UVRAG: variants seen among roughly 807,000 people sequenced by gnomAD.
UVRAG encodes the protein UV radiation resistance associated.
Under a neutral mutation model 78.0 loss-of-function variants are expected in UVRAG, and 19 were observed. That is an observed-to-expected ratio of 0.24 (90% CI 0.17 to 0.36). The LOEUF is 0.36. Among genes scored for constraint, UVRAG ranks in the 10% least tolerant of loss-of-function variants. UVRAG has a pLI of 1.00. For missense variants in UVRAG, 740 were observed against 853.8 expected, an observed-to-expected ratio of 0.87 and a Z score of 1.66; for synonymous variants, 323 against 324.6, an observed-to-expected ratio of 1.00 and a Z score of 0.05.
intron 6 of UVRAG, among the ~76,000 whole-genome samples, chr11:75,913,790 A>G (rs922478936): frequency 5.3e-5 from 8 of 152,344 alleles, no homozygotes; most frequent in African/African-American, 1.9e-4. Context: ...ACATGGCATA[A>G]TGACTGTGGA....
chr11:76,125,548 C>T (rs547526135), intron 14 of UVRAG, among the ~76,000 whole-genome samples: 4 of 152,314 alleles, frequency 2.6e-5, no homozygotes, highest in African/African-American at 9.6e-5. Flanking sequence ...TGCCTCCAGT[C>T]AGGATGGAGA....
At chr11:76,083,233 A>G (rs1268621534) in intron 13 of UVRAG, among the ~76,000 whole-genome samples, 2 of 152,356 alleles carry the variant, frequency 1.3e-5, no homozygotes, top group Non-Finnish European at 2.9e-5. Flanking sequence ...ACAGGTGAGG[A>G]AACAGGTATA....
At chr11:76,077,729 A>G (rs1011121955) in intron 13 of UVRAG, among the ~76,000 whole-genome samples, 1 of 152,210 alleles carries the variant, frequency 6.6e-6, no homozygotes, top group Non-Finnish European at 1.5e-5. Flanking sequence ...TTCAGACCCT[A>G]ATATCTGACT....
chr11:75,820,738 A>C (rs1487511246), intron 1 of UVRAG, among the ~76,000 whole-genome samples: 2 of 152,212 alleles, frequency 1.3e-5, no homozygotes, highest in African/African-American at 4.8e-5. Context: ...TGACTAAAAA[A>C]GTCCATAGTT....
At chr11:76,137,099 C>A in intron 14 of UVRAG, 1 of 214,500 alleles carries the variant, frequency 4.7e-6, no homozygotes, top group Non-Finnish European at 9.8e-6. Context: ...CTAATGTTAC[C>A]AAACTCATAT....
At chr11:75,845,883 T>G (rs1307884749) in intron 1 of UVRAG, among the ~76,000 whole-genome samples, 1 of 151,912 alleles carries the variant, frequency 6.6e-6, no homozygotes, top group East Asian at 1.9e-4. Flanking sequence ...AGTTAGCAGA[T>G]CTTAGGAAGT....
chr11:75,850,774 CT>C, intron 1 of UVRAG, among the ~76,000 whole-genome samples: 1 of 152,268 alleles, frequency 6.6e-6, no homozygotes, highest in East Asian at 1.9e-4. Flanking sequence ...AAAAATGAGT[CT>C]TTTAGAGTAA....
At chr11:76,098,572 A>G (rs1275862067) in intron 13 of UVRAG, among the ~76,000 whole-genome samples, 1 of 152,236 alleles carries the variant, frequency 6.6e-6, no homozygotes, top group Admixed American at 6.5e-5. Context: ...TGTAAGTGGC[A>G]GTTTGAAGAT....
intron 2 of UVRAG, 99 bp downstream of exon 2, chr11:75,852,099 G>A (rs1432437117): frequency 2.3e-5 from 18 of 769,908 alleles, no homozygotes; most frequent in East Asian, 8.0e-5. Context: ...GTGGCTTCTC[G>A]GAAACCTAAA....
chr11:76,059,409 C>T (rs1207290057), intron 12 of UVRAG, among the ~76,000 whole-genome samples: 1 of 152,172 alleles, frequency 6.6e-6, no homozygotes, highest in Non-Finnish European at 1.5e-5. Context: ...AATGAACTGG[C>T]ATTAAGGATT....
At chr11:75,855,960 G>C (rs1208572221) in intron 2 of UVRAG, among the ~76,000 whole-genome samples, 1 of 151,980 alleles carries the variant, frequency 6.6e-6, no homozygotes, top group Non-Finnish European at 1.5e-5. Flanking sequence ...TTCTAAACTT[G>C]GTTCTTGTTA....
intron 2 of UVRAG, among the ~76,000 whole-genome samples, chr11:75,852,929 G>A (rs562491397): frequency 9.2e-5 from 14 of 151,974 alleles, no homozygotes; most frequent in African/African-American, 3.4e-4. Context: ...ATTTATTTTC[G>A]AGATAGGATC....
chr11:76,087,677 GT>G (rs1433050257), intron 13 of UVRAG, among the ~76,000 whole-genome samples: 1 of 152,142 alleles, frequency 6.6e-6, no homozygotes, highest in Non-Finnish European at 1.5e-5. Context: ...GTATTTTTAT[GT>G]GTATTATTTC....
intron 12 of UVRAG, among the ~76,000 whole-genome samples, chr11:76,026,619 G>A (rs771247791): frequency 6.6e-6 from 1 of 151,910 alleles, no homozygotes; most frequent in Non-Finnish European, 1.5e-5. Flanking sequence ...TCATTTTATT[G>A]TAGGTTGTTG....
intron 13 of UVRAG, among the ~76,000 whole-genome samples, chr11:76,077,718 A>C (rs539639296): frequency 6.6e-6 from 1 of 152,332 alleles, no homozygotes; most frequent in African/African-American, 2.4e-5. Flanking sequence ...AAACAAAGAA[A>C]TTCAGACCCT....
intron 7 of UVRAG, among the ~76,000 whole-genome samples, chr11:75,969,460 G>A (rs1445992722): frequency 2.0e-5 from 3 of 152,138 alleles, no homozygotes; most frequent in African/African-American, 7.2e-5. Flanking sequence ...TTACAGTGGG[G>A]TGGCAGGGCA....
rs772658809 is a variant in UVRAG at position 76,061,492 on chromosome 11, GGTC to G, written c.1227-4217_1227-4215del. Among the ~76,000 whole-genome samples the G allele has an allele frequency of 5.3e-5, 8 of 152,138 alleles. No individual in the cohort carries two copies. In the East Asian group the frequency reaches 7.7e-4, roughly 15 times the overall value. On this transcript the variant is annotated intron_variant, in intron 12 of 14. Coordinates refer to ENST00000356136, the MANE Select transcript of UVRAG (RefSeq NM_003369.4). The stretch of plus-strand genomic sequence containing the variant: ...AAATCTTGCTGCTGCTCGCTCTTTG[GGTC>G]CACACTGTGTTTATGAGCTGTAACA...
intron 12 of UVRAG, among the ~76,000 whole-genome samples, chr11:76,030,148 CA>C (rs375696332): frequency 8.3e-4 from 122 of 146,956 alleles, no homozygotes; most frequent in Middle Eastern, 3.4e-3. Context: ...TACTGGGAAA[CA>C]AAAAAAAAAC....
At chr11:75,949,692 C>CAT (rs35234096) in intron 6 of UVRAG, among the ~76,000 whole-genome samples, 10,238 of 139,972 alleles carry the variant, frequency 0.073, 327 homozygotes, top group East Asian at 0.12. Context: ...CAATAAAATA[C>CAT]ATATATATAT....
Sources: allele counts gnomAD v4.1 joint callset (sites outside exome capture counted in the v4.1 genomes callset), GRCh38; gene constraint gnomAD v4.1.1; transcripts MANE v1.5; gene names NCBI Gene and HGNC (gene_info 2026-07-23, HGNC 2026-07-21).